The following ADAMTSL1 variants were observed in gnomAD, a reference collection of about 807,000 sequenced individuals.
ADAMTSL1 encodes ADAMTS like 1, also known as ADAMTS-like protein 1.
In ADAMTSL1, 126 loss-of-function variants were observed where a neutral mutation model predicts 201.8. The ratio of observed to expected loss-of-function variants is 0.62; its 90% CI spans 0.54 to 0.72. The LOEUF (loss-of-function observed/expected upper bound fraction) is 0.72. ADAMTSL1 is among the 30% of genes least tolerant of loss of function. The pLI is 0.00. For synonymous variants in ADAMTSL1, 1,121 were observed against 903.4 expected (o/e 1.24, Z -4.32); for missense variants, 2,679 against 2,277.8 (o/e 1.18, Z -3.59).
At chr9:18,763,677 G>A (rs2133678948) in intron 16 of ADAMTSL1, among the ~76,000 whole-genome samples, 1 of 152,120 alleles carries the variant, frequency 6.6e-6, no homozygotes, top group East Asian at 1.9e-4. Flanking sequence ...CAAGAGATAG[G>A]GGTCTATTTT....
At chr9:18,097,563 C>T (rs148788015) in intron 1 of ADAMTSL1, among the ~76,000 whole-genome samples, 1 of 152,180 alleles carries the variant, frequency 6.6e-6, no homozygotes, top group Non-Finnish European at 1.5e-5. Context: ...TGCTCCACAT[C>T]CTTGTTAATA....
intron 23 of ADAMTSL1, among the ~76,000 whole-genome samples, chr9:18,878,976 A>G (rs1258157045): frequency 6.6e-6 from 1 of 152,208 alleles, no homozygotes; most frequent in Non-Finnish European, 1.5e-5. Context: ...CAAATTGCAA[A>G]CTAGGACCAA....
intron 2 of ADAMTSL1, among the ~76,000 whole-genome samples, chr9:18,514,815 A>G (rs1239907277): frequency 6.6e-6 from 1 of 152,142 alleles, no homozygotes; most frequent in Non-Finnish European, 1.5e-5. Flanking sequence ...TAAGACTTTC[A>G]GTACTCTTTT....
chr9:18,484,626 A>G (rs1401287833), intron 1 of ADAMTSL1, among the ~76,000 whole-genome samples: 1 of 152,218 alleles, frequency 6.6e-6, no homozygotes, highest in East Asian at 1.9e-4. Flanking sequence ...AGGCAAATAA[A>G]AGGCCAGTCA....
intron 1 of ADAMTSL1, among the ~76,000 whole-genome samples, chr9:17,921,897 G>A (rs2131294559): frequency 6.6e-6 from 1 of 152,092 alleles, no homozygotes; most frequent in Non-Finnish European, 1.5e-5. Context: ...ATTCTCTGTT[G>A]AAGTAAACAT....
chr9:18,851,582 G>A (rs1261608820), intron 23 of ADAMTSL1, among the ~76,000 whole-genome samples: 1 of 152,192 alleles, frequency 6.6e-6, no homozygotes, highest in Non-Finnish European at 1.5e-5. Context: ...AGAGGGCCAA[G>A]CCAGCAACTT....
intron 14 of ADAMTSL1, among the ~76,000 whole-genome samples, chr9:18,707,605 A>C (rs1165716822): frequency 6.6e-6 from 1 of 152,238 alleles, no homozygotes; most frequent in Non-Finnish European, 1.5e-5. Context: ...CTAAGAATCA[A>C]AGAAACAAAG....
At chr9:18,702,887 C>T (rs1288438558) in intron 13 of ADAMTSL1, among the ~76,000 whole-genome samples, 1 of 151,814 alleles carries the variant, frequency 6.6e-6, no homozygotes, top group Non-Finnish European at 1.5e-5. Flanking sequence ...CTCAGCCTCC[C>T]GAGTAGCTGG....
intron 2 of ADAMTSL1, among the ~76,000 whole-genome samples, chr9:18,334,750 AAATAG>A: frequency 6.6e-6 from 1 of 152,294 alleles, no homozygotes; most frequent in East Asian, 1.9e-4. Flanking sequence ...AACAGAAACC[AAATAG>A]AATAAAGACT....
chr9:17,938,240 G>A (rs533135136), intron 1 of ADAMTSL1, among the ~76,000 whole-genome samples: 14 of 152,198 alleles, frequency 9.2e-5, no homozygotes, highest in Admixed American at 2.6e-4. Context: ...TCAGGGAGGC[G>A]TAACAGTCCT....
At chr9:18,034,265 G>A (rs1821098915) in intron 1 of ADAMTSL1, among the ~76,000 whole-genome samples, 1 of 151,806 alleles carries the variant, frequency 6.6e-6, no homozygotes, top group Non-Finnish European at 1.5e-5. Flanking sequence ...CATTTCCTGG[G>A]CCTTCTTTAG....
intron 2 of ADAMTSL1, among the ~76,000 whole-genome samples, chr9:18,415,629 T>G (rs1281695258): frequency 7.2e-5 from 11 of 151,904 alleles, no homozygotes; most frequent in Admixed American, 7.2e-4. Flanking sequence ...AAAATACTAT[T>G]TGAAGAAATG....
At chr9:18,644,068 A>G (rs1827621185) in intron 7 of ADAMTSL1, among the ~76,000 whole-genome samples, 1 of 151,874 alleles carries the variant, frequency 6.6e-6, no homozygotes, top group East Asian at 1.9e-4. Context: ...AATCTTTTAT[A>G]GTTTTCAGTG....
chr9:18,156,582 C>A (rs1032104067), intron 1 of ADAMTSL1, among the ~76,000 whole-genome samples: 3 of 151,890 alleles, frequency 2.0e-5, no homozygotes, highest in South Asian at 2.1e-4. Flanking sequence ...TGTTTTAATT[C>A]TTGGCATCGA....
chr9:18,112,514 A>G (rs1009530116), intron 1 of ADAMTSL1, among the ~76,000 whole-genome samples: 8 of 149,576 alleles, frequency 5.3e-5, no homozygotes, highest in African/African-American at 2.0e-4. Flanking sequence ...TTCTTATCTC[A>G]CTTTTCCTCG....
At chr9:18,301,208 C>T (rs1157738744) in intron 2 of ADAMTSL1, among the ~76,000 whole-genome samples, 2 of 152,018 alleles carry the variant, frequency 1.3e-5, no homozygotes, top group African/African-American at 2.4e-5. Flanking sequence ...TTATAAAGTG[C>T]ATATAAATTT....
At chr9:18,122,435 A>C (rs1033235750) in intron 1 of ADAMTSL1, among the ~76,000 whole-genome samples, 8 of 152,138 alleles carry the variant, frequency 5.3e-5, no homozygotes, top group African/African-American at 1.4e-4. Context: ...ATCAGGGCCC[A>C]GGACTTTTGC....
chr9:18,282,298 G>T lies in ADAMTSL1; in HGVS notation c.207+118317G>T, dbSNP rs112994673. On this transcript the variant is annotated intron_variant, in intron 2 of 29. Transcript: ENST00000680146. ...ATGGTTTCTATATATCAAATTTTCT[G>T]TATCCAGTCAACTATCGATAGACAA... 3.3e-3 allele frequency among the ~76,000 whole-genome samples: 506 copies of T among 152,214 alleles called. 2 individuals carry two copies. The highest frequency in any genetic ancestry group is 0.012 in the African/African-American group (481 of 41,512).
At chr9:18,483,484 G>C (rs1210784380) in intron 1 of ADAMTSL1, among the ~76,000 whole-genome samples, 1 of 152,074 alleles carries the variant, frequency 6.6e-6, no homozygotes, top group African/African-American at 2.4e-5. Flanking sequence ...TGTCACATGC[G>C]GAAGAAACCA....
Sources: allele counts gnomAD v4.1 joint callset (sites outside exome capture counted in the v4.1 genomes callset), GRCh38; gene constraint gnomAD v4.1.1; transcripts MANE v1.5; gene names NCBI Gene and HGNC (gene_info 2026-07-23, HGNC 2026-07-21).